POTEC: variants seen among roughly 807,000 people sequenced by gnomAD.
The protein encoded by POTEC is ANKRD26-like family B member 2.
Under a neutral mutation model 62.0 loss-of-function variants are expected in POTEC, and 35 were observed. The ratio of observed to expected loss-of-function variants is 0.56; its 90% CI spans 0.43 to 0.75. The LOEUF is 0.75. POTEC is among the 30% of genes least tolerant of loss of function. The probability of loss-of-function intolerance (pLI) is 0.00; values close to 1 mark genes in which losing one functional copy is unlikely to be tolerated. For missense variants in POTEC, 472 were observed against 655.9 expected (o/e 0.72, Z 3.06); for synonymous variants, 156 against 221.5 (o/e 0.70, Z 2.62).
intron 6 of POTEC, chr18:14,529,023 A>G (rs1191929785): frequency 2.2e-6 from 1 of 454,468 alleles, no homozygotes; most frequent in Non-Finnish European, 4.4e-6. Context: ...CTTCTGCCAA[A>G]CATTATTCTT....
In POTEC at chr18:14,517,238, T is replaced by C. The variant is rs540963467; in HGVS notation, c.1410-3453A>G. Among the ~76,000 whole-genome samples the C allele has an allele frequency of 1.5e-3, 232 of 152,274 alleles. 1 individual carries two copies. The highest frequency in any genetic ancestry group is 5.4e-3 in the African/African-American group (226 of 41,550). On this transcript the variant is annotated intron_variant, in intron 9 of 10. Transcript: ENST00000358970. ...AAGGCAACTTTTATACAGAAAATTT[T>C]CAGTTAAAGTTGACTCTAACTTATG...
chr18:14,533,320 A>C (rs45556242), intron 4 of POTEC, 122 bp from the exon 5 acceptor site: 2 of 1,529,752 alleles, frequency 1.3e-6, no homozygotes, highest in East Asian at 2.3e-5. Context: ...ATTTACATGC[A>C]CTAAAAGACA....
rs566857658 is a variant in POTEC at position 14,523,945 on chromosome 18, G to A, written c.1198-438C>T. On this transcript the variant is annotated intron_variant, in intron 7 of 10. Coordinates refer to ENST00000358970, the MANE Select transcript of POTEC (RefSeq NM_001137671.2). ...ATGAAACCCTAACTAGTGAGCCCTT[G>A]TAGTGCACTGAAGTGCTTTTTTAAA... Among the ~76,000 whole-genome samples the A allele has an allele frequency of 1.1e-4, 17 of 152,258 alleles. No individual in the cohort carries two copies. The East Asian group carries it at 3.3e-3, about 29-fold the overall frequency.
chr18:14,513,307 T>C (rs1172256938), intron 10 of POTEC, among the ~76,000 whole-genome samples: 1 of 152,204 alleles, frequency 6.6e-6, no homozygotes, highest in African/African-American at 2.4e-5. Context: ...AGAACGAATG[T>C]CCCAAAACTA....
intron 6 of POTEC, chr18:14,528,088 A>G (rs1391999408): frequency 2.0e-5 from 3 of 152,174 alleles, no homozygotes; most frequent in Non-Finnish European, 2.9e-5. Flanking sequence ...CTTTCACACT[A>G]CAACAACAGA....
At chr18:14,530,988 A>G (rs1016489015) in intron 5 of POTEC, among the ~76,000 whole-genome samples, 1 of 152,006 alleles carries the variant, frequency 6.6e-6, no homozygotes, top group African/African-American at 2.4e-5. Flanking sequence ...GCTCAGAGAA[A>G]TAGTAAAGCA....
chr18:14,519,564 A>G (rs1476365074), intron 9 of POTEC, among the ~76,000 whole-genome samples: 1 of 152,106 alleles, frequency 6.6e-6, no homozygotes, highest in East Asian at 1.9e-4. Flanking sequence ...TAAAAATACA[A>G]AAATCAGCTG....
intron 5 of POTEC, among the ~76,000 whole-genome samples, chr18:14,531,196 T>G (rs1905502335): frequency 6.6e-6 from 1 of 151,962 alleles, no homozygotes; most frequent in African/African-American, 2.4e-5. Flanking sequence ...TGTCATAGTT[T>G]GTAACTAAAT....
At chr18:14,518,535 G>A (rs1910226173) in intron 9 of POTEC, among the ~76,000 whole-genome samples, 1 of 146,762 alleles carries the variant, frequency 6.8e-6, no homozygotes, top group South Asian at 2.2e-4. Flanking sequence ...TTGTTTCACT[G>A]AACCTTCCCT....
chr18:14,529,308 G>A (rs1248847396), intron 6 of POTEC, among the ~76,000 whole-genome samples: 1 of 152,012 alleles, frequency 6.6e-6, no homozygotes, highest in Non-Finnish European at 1.5e-5. Flanking sequence ...GTATCTAAAG[G>A]ACATTTAATA....
intron 9 of POTEC, among the ~76,000 whole-genome samples, chr18:14,519,718 A>AAAAAAG (rs1318551810): frequency 2.0e-5 from 3 of 152,090 alleles, no homozygotes; most frequent in East Asian, 3.9e-4. Flanking sequence ...CTCTGTCTCC[A>AAAAAAG]AAAAAGAAAA....
intron 1 of POTEC, among the ~76,000 whole-genome samples, chr18:14,542,194 A>G (rs1161246271): frequency 4.6e-5 from 7 of 152,206 alleles, no homozygotes; most frequent in Admixed American, 1.3e-4. Flanking sequence ...TCAGTAAAGA[A>G]CGTATTTACA....
intron 9 of POTEC, among the ~76,000 whole-genome samples, chr18:14,518,992 G>T (rs1245031130): frequency 6.6e-6 from 1 of 152,146 alleles, no homozygotes; most frequent in African/African-American, 2.4e-5. Context: ...GATGAAAAGG[G>T]AAGTTTTTAA....
chr18:14,520,882 G>A (rs540694609), intron 9 of POTEC, among the ~76,000 whole-genome samples: 30 of 152,122 alleles, frequency 2.0e-4, no homozygotes, highest in Non-Finnish European at 3.7e-4. Flanking sequence ...GGCTGAGGTG[G>A]CAGGATTACT....
chr18:14,534,153 C>T (rs1411816224), intron 4 of POTEC, among the ~76,000 whole-genome samples: 4 of 144,406 alleles, frequency 2.8e-5, no homozygotes, highest in Admixed American at 7.2e-5. Flanking sequence ...CAATTCCCAC[C>T]TATGAGTGAG....
chr18:14,516,663 T>G (rs1910168972), intron 9 of POTEC, among the ~76,000 whole-genome samples: 1 of 136,766 alleles, frequency 7.3e-6, no homozygotes, highest in Admixed American at 7.1e-5. Context: ...GCCAAACTAC[T>G]GGGGGGGGGT....
intron 9 of POTEC, among the ~76,000 whole-genome samples, chr18:14,514,134 C>T (rs1410219096): frequency 6.6e-6 from 1 of 151,896 alleles, no homozygotes; most frequent in Admixed American, 6.6e-5. Flanking sequence ...GCTTGTTTTC[C>T]TGCAACTAGA....
intron 6 of POTEC, among the ~76,000 whole-genome samples, chr18:14,530,281 T>A (rs1598480222): frequency 6.6e-6 from 1 of 152,200 alleles, no homozygotes; most frequent in African/African-American, 2.4e-5. Flanking sequence ...TACATTATAG[T>A]AAGTTGTATA....
rs771367723 is a variant in POTEC at position 14,511,942 on chromosome 18, A to C, written c.1585T>G (p.Leu529Val). 1 of 1,613,858 alleles carries C rather than the reference A, an allele frequency of 6.2e-7. No homozygotes were observed. Among genetic ancestry groups the C allele is most frequent in the South Asian group, 1.1e-5 (1 of 91,074 alleles). The change falls in exon 11 of 11, where the codon TTG becomes GTG. Residue 529 changes from leucine (L) to valine (V), a missense_variant. Transcript: ENST00000358970. ...EEDLLRENSM[L>V]QEEIAMLISG... ...ATTAGCATGGCAATTTCTTCCTGCAACATGCTGTTTTCACGCAAGAGATCT... is the reference window on the plus strand; with the variant it reads ...ATTAGCATGGCAATTTCTTCCTGCACCATGCTGTTTTCACGCAAGAGATCT...
Sources: gnomAD v4.1 joint callset for allele counts (sites outside exome capture counted in the v4.1 genomes callset) on GRCh38, gnomAD v4.1.1 for gene constraint, MANE v1.5 for transcripts, NCBI Gene and HGNC (gene_info 2026-07-23, HGNC 2026-07-21) for gene names.